Variants in COL5A1 observed in about 807,000 individuals in gnomAD.
The protein encoded by COL5A1 is collagen type V alpha 1 chain, also known as collagen alpha-1(V) chain.
In COL5A1, 16 loss-of-function variants were observed where a neutral mutation model predicts 263.7. The ratio of observed to expected loss-of-function variants is 0.06; its 90% CI spans 0.04 to 0.09. The LOEUF is 0.09. Ranked by LOEUF, COL5A1 falls within the 10% of genes least tolerant of loss-of-function variation. The pLI is 1.00. For missense variants in COL5A1, 2,036 were observed against 2,540.5 expected, an observed-to-expected ratio of 0.80 and a Z score of 4.27; for synonymous variants, 1,012 against 1,004.5, an observed-to-expected ratio of 1.01 and a Z score of -0.14.
intron 26 of COL5A1, among the ~76,000 whole-genome samples, chr9:134,773,236 G>A (rs1161261360): frequency 1.3e-5 from 2 of 152,248 alleles, no homozygotes; most frequent in South Asian, 2.1e-4. Context: ...CCGGTGCCAG[G>A]GATGGAGTCT....
At chr9:134,759,900 C>A (rs1462198293) in intron 18 of COL5A1, among the ~76,000 whole-genome samples, 4 of 120,692 alleles carry the variant, frequency 3.3e-5, no homozygotes, top group African/African-American at 1.4e-4. Context: ...CACACACACA[C>A]CCATGCACCC....
At chr9:134,836,198 T>C (rs115322173) in intron 65 of COL5A1, among the ~76,000 whole-genome samples, 2,658 of 151,868 alleles carry the variant, frequency 0.018, 88 homozygotes, top group African/African-American at 0.062. Context: ...TGTCCAGGAA[T>C]CGTTGTGTGG....
chr9:134,820,509 T>A (rs1229675189), intron 58 of COL5A1, among the ~76,000 whole-genome samples: 1 of 152,072 alleles, frequency 6.6e-6, no homozygotes, highest in Non-Finnish European at 1.5e-5. Context: ...GGAAGTCAGG[T>A]CATTCTGCCT....
chr9:134,809,281 C>T lies in COL5A1; in HGVS notation c.3465C>T (p.Asp1155=), dbSNP rs145134399. The change falls in exon 43 of 66, where the codon GAC becomes GAT. Residue 1155 remains aspartate, a synonymous_variant. Coordinates refer to ENST00000371817, the MANE Select transcript of COL5A1 (RefSeq NM_000093.5). ...PAGPVGPPGE[D]GDKGEIGEPG... ...GCCCTGTGGGTCCCCCTGGAGAAGACGGAGATAAGGTAAGGCAAATCCAGA... is the reference window on the plus strand; with the variant it reads ...GCCCTGTGGGTCCCCCTGGAGAAGATGGAGATAAGGTAAGGCAAATCCAGA... The T allele has an allele frequency of 7.0e-5, 112 of 1,607,876 alleles. No homozygotes were observed. The Middle Eastern group carries it at 7.8e-4, about 11-fold the overall frequency.
intron 1 of COL5A1, among the ~76,000 whole-genome samples, chr9:134,650,117 T>C (rs1831623232): frequency 6.6e-6 from 1 of 152,162 alleles, no homozygotes; most frequent in Non-Finnish European, 1.5e-5. Flanking sequence ...CAAACCACCA[T>C]GGCATGTGTA....
intron 17 of COL5A1, 151 bp downstream of exon 17, chr9:134,756,969 T>G (rs1588508918): frequency 3.7e-6 from 3 of 804,754 alleles, no homozygotes; most frequent in Admixed American, 4.0e-5. Context: ...ATAGGGTTGG[T>G]GGGTGAATTT....
At position 134,805,287 on chromosome 9, in the gene COL5A1, G is replaced by A. The variant is rs923949661; in HGVS notation, c.3258+73G>A. ...AGGTCAGAAGGGGCAGTCCCCGAGA[G>A]CCCAGAGCATGCAGCTGCCCCAGAC... is the stretch of plus-strand genomic sequence containing the variant. On this transcript the variant is annotated intron_variant, in intron 41 of 65. Coordinates refer to ENST00000371817, the MANE Select transcript of COL5A1 (RefSeq NM_000093.5). 44 of 1,554,054 alleles carry A rather than the reference G, an allele frequency of 2.8e-5. No homozygotes were observed. The Middle Eastern group carries it at 5.0e-4, about 18-fold the overall frequency.
intron 1 of COL5A1, among the ~76,000 whole-genome samples, chr9:134,670,710 CCCA>C (rs1832514439): frequency 6.6e-6 from 1 of 152,214 alleles, no homozygotes; most frequent in South Asian, 2.1e-4. Context: ...GACCTCTCCT[CCCA>C]TTGAGTCAGA....
chr9:134,683,797 T>C (rs1050977267), intron 1 of COL5A1, among the ~76,000 whole-genome samples: 3 of 152,174 alleles, frequency 2.0e-5, no homozygotes, highest in Non-Finnish European at 4.4e-5. Flanking sequence ...GCACCCCCTT[T>C]CCTGGGGCGC....
chr9:134,701,261 C>A lies in COL5A1; in HGVS notation c.582C>A (p.Ser194Arg). 1.2e-6 allele frequency: 2 copies of A among 1,614,024 alleles called. No individual in the cohort carries two copies. The highest frequency in any genetic ancestry group is 1.1e-5 in the South Asian group (1 of 91,080). The part of the protein sequence containing the change: ...KKKTTKFLDR[S>R]DHPMIDINGI... ...AGACCACCAAATTCCTCGACCGCAGCGACCACCCCATGATCGACATCAATG... is the reference window on the plus strand; with the variant it reads ...AGACCACCAAATTCCTCGACCGCAGAGACCACCCCATGATCGACATCAATG... Residue 194 changes from serine to arginine, a missense_variant, in exon 4 of 66, where the codon AGC (serine) becomes AGA (arginine). Physicochemically the swap from Ser to Arg is moderately radical, Grantham distance 110. Around this residue, in one of 3 missense-constraint regions of COL5A1, gnomAD observed 600 missense variants for 634.5 expected, o/e 0.95. Transcript: ENST00000371817.
Position 134,821,305 on chromosome 9 carries a change from C to A in COL5A1, c.4555-792C>A, listed in dbSNP as rs111500846. On this transcript the variant is annotated intron_variant, in intron 58 of 65. Coordinates refer to ENST00000371817, the MANE Select transcript of COL5A1 (RefSeq NM_000093.5). This position sits in a 1 kb window ranked among gnomAD's most constrained non-coding sequence, Gnocchi z 4.2. Reference sequence around the variant, plus strand: ...TTGGCGGCATTGCTGATGAAGGTGTCGGGTTGGTGTGCAGGCTTGGGTAGT... The same window carrying A: ...TTGGCGGCATTGCTGATGAAGGTGTAGGGTTGGTGTGCAGGCTTGGGTAGT... 1.6e-3 allele frequency among the ~76,000 whole-genome samples: 246 copies of A among 152,196 alleles called. 2 individuals carry two copies. Among genetic ancestry groups the A allele is most frequent in the African/African-American group, 5.6e-3 (233 of 41,518 alleles).
chr9:134,668,942 TCCACCCAC>T (rs1160647793), intron 1 of COL5A1, among the ~76,000 whole-genome samples: 1 of 110,848 alleles, frequency 9.0e-6, no homozygotes, highest in African/African-American at 3.7e-5. Flanking sequence ...CATCCATCCT[TCCACCCAC>T]CCACCCATCC....
intron 63 of COL5A1, among the ~76,000 whole-genome samples, chr9:134,827,487 C>A (rs1017990818): frequency 6.6e-6 from 1 of 152,248 alleles, no homozygotes; most frequent in Non-Finnish European, 1.5e-5. Context: ...GCCAGAGGCC[C>A]CGCGTGGAAT....
In COL5A1 at chr9:134,755,676, A is replaced by T. The variant is rs10123300; in HGVS notation, c.1828-1089A>T. ...TCCGACAATCTTCCCTTGGTTTCTAAAAGTGTTTGGAAATCTAGAAGAGGC... is the reference window on the plus strand; with the variant it reads ...TCCGACAATCTTCCCTTGGTTTCTATAAGTGTTTGGAAATCTAGAAGAGGC... On this transcript the variant is annotated intron_variant, in intron 16 of 65. Coordinates refer to ENST00000371817, the MANE Select transcript of COL5A1 (RefSeq NM_000093.5). The surrounding 1 kb of genome is among the most constrained non-coding windows in gnomAD (Gnocchi z 4.1). Among the ~76,000 whole-genome samples, 430 of 152,356 alleles carry T rather than the reference A, an allele frequency of 2.8e-3. 1 individual carries two copies. The highest frequency in any genetic ancestry group is 0.01 in the African/African-American group (417 of 41,592).
intron 1 of COL5A1, among the ~76,000 whole-genome samples, chr9:134,654,614 T>A (rs1588406710): frequency 1.0e-5 from 1 of 99,730 alleles, no homozygotes. Flanking sequence ...GGGCTGAGGG[T>A]GTGTAGGGCT....
chr9:134,730,424 C>A lies in COL5A1; in HGVS notation c.1113C>A (p.Gly371=). 2 of 1,614,178 alleles carry A rather than the reference C, an allele frequency of 1.2e-6. No homozygotes were observed. Among genetic ancestry groups the A allele is most frequent in the Non-Finnish European group, 1.7e-6 (2 of 1,180,034 alleles). The part of the protein sequence containing the change: ...EENPDQPTDP[G]AGAEIPTSTA... ...ACCCCGACCAGCCCACAGACCCAGG[C>A]GCTGGGGCCGAAATTCCCACCAGCA... The change falls in exon 7 of 66, where the codon GGC becomes GGA. Residue 371 remains glycine (G), a synonymous_variant. Transcript: ENST00000371817.
At chr9:134,693,406 C>T (rs977699434) in intron 2 of COL5A1, among the ~76,000 whole-genome samples, 6 of 152,030 alleles carry the variant, frequency 3.9e-5, no homozygotes, top group African/African-American at 9.7e-5. Context: ...TTTTTAAGTC[C>T]ATGTTTTTTT....
intron 11 of COL5A1, among the ~76,000 whole-genome samples, chr9:134,745,568 G>A (rs1201227502): frequency 6.6e-6 from 1 of 152,180 alleles, no homozygotes; most frequent in Non-Finnish European, 1.5e-5. Context: ...GCGGTCTGAG[G>A]CATCAGGCTT....
At chr9:134,764,226 G>A (rs1330957291) in intron 20 of COL5A1, among the ~76,000 whole-genome samples, 2 of 135,884 alleles carry the variant, frequency 1.5e-5, no homozygotes, top group Admixed American at 7.3e-5. Flanking sequence ...GGGTCTAGGG[G>A]CAACATGGCA....
Sources: allele counts gnomAD v4.1 joint callset (sites outside exome capture counted in the v4.1 genomes callset), GRCh38; gene constraint gnomAD v4.1.1; regional missense constraint gnomAD v4.1.1; non-coding constraint Gnocchi (gnomAD v3.1); transcripts MANE v1.5; gene names NCBI Gene and HGNC (gene_info 2026-07-23, HGNC 2026-07-21).